The following BTNL8 variants were observed in gnomAD, a reference collection of about 807,000 sequenced individuals.
The protein encoded by BTNL8 is butyrophilin-like protein 8.
Under a neutral mutation model 36.1 loss-of-function variants are expected in BTNL8, and 22 were observed. That is an observed-to-expected ratio of 0.61 (90% CI 0.44 to 0.87). The LOEUF (loss-of-function observed/expected upper bound fraction) is 0.87. Among genes scored for constraint, BTNL8 ranks in the 40% least tolerant of loss-of-function variants. The probability of loss-of-function intolerance (pLI) is 0.00; values close to 1 mark genes in which losing one functional copy is unlikely to be tolerated. For missense variants in BTNL8, 526 were observed against 616.9 expected (o/e 0.85, Z 1.56); for synonymous variants, 203 against 235.6 (o/e 0.86, Z 1.27).
intron 3 of BTNL8, among the ~76,000 whole-genome samples, chr5:180,933,261 A>C (rs1387775428): frequency 3.9e-5 from 6 of 152,204 alleles, no homozygotes; most frequent in Admixed American, 3.9e-4. Flanking sequence ...CTAGACACAC[A>C]ATCAATAAGA....
At chr5:180,912,323 T>C (rs2113786259) in intron 3 of BTNL8, among the ~76,000 whole-genome samples, 1 of 152,242 alleles carries the variant, frequency 6.6e-6, no homozygotes, top group South Asian at 2.1e-4. Flanking sequence ...TAAAAGAGCT[T>C]CCATGATGTA....
At chr5:180,912,066 G>C (rs943418576) in intron 3 of BTNL8, among the ~76,000 whole-genome samples, 5 of 152,190 alleles carry the variant, frequency 3.3e-5, no homozygotes, top group African/African-American at 1.2e-4. Flanking sequence ...ACCCTCCCCT[G>C]AGTGAGAGAA....
chr5:180,942,991 T>A (rs1270281748), intron 3 of BTNL8, among the ~76,000 whole-genome samples: 1 of 151,592 alleles, frequency 6.6e-6, no homozygotes, highest in Non-Finnish European at 1.5e-5. Context: ...ATTAACAGAG[T>A]GAAGAGGTAA....
At chr5:180,916,175 C>A (rs1757620295) in intron 3 of BTNL8, among the ~76,000 whole-genome samples, 1 of 152,202 alleles carries the variant, frequency 6.6e-6, no homozygotes, top group African/African-American at 2.4e-5. Flanking sequence ...CTCACGAGGG[C>A]AGGATCCTCA....
intron 3 of BTNL8, among the ~76,000 whole-genome samples, chr5:180,916,091 C>T (rs1045122162): frequency 1.3e-5 from 2 of 152,150 alleles, no homozygotes; most frequent in African/African-American, 4.8e-5. Flanking sequence ...TGTGTAATTC[C>T]ATGGAGGAAG....
chr5:180,921,607 CTATTG>C (rs1417428487), intron 3 of BTNL8, among the ~76,000 whole-genome samples: 4 of 151,412 alleles, frequency 2.6e-5, no homozygotes, highest in Non-Finnish European at 5.9e-5. Flanking sequence ...TAACAATAAA[CTATTG>C]TATTCTTAAA....
intron 3 of BTNL8, among the ~76,000 whole-genome samples, chr5:180,927,334 A>G (rs913323461): frequency 3.3e-5 from 5 of 152,242 alleles, no homozygotes; most frequent in Non-Finnish European, 5.9e-5. Context: ...GGTCACCAAC[A>G]TCAAAAACCA....
intron 1 of BTNL8, among the ~76,000 whole-genome samples, chr5:180,902,967 T>C (rs1756900668): frequency 1.7e-5 from 2 of 119,910 alleles, no homozygotes; most frequent in African/African-American, 4.2e-5. Flanking sequence ...CTATTGTGAA[T>C]AGTGCCGCAA....
At chr5:180,929,818 A>G (rs1306485058) in intron 3 of BTNL8, among the ~76,000 whole-genome samples, 2 of 152,246 alleles carry the variant, frequency 1.3e-5, no homozygotes, top group East Asian at 1.9e-4. Flanking sequence ...TCAGGCAGTA[A>G]CTAATAGCCT....
At chr5:180,902,517 GTTT>G in intron 1 of BTNL8, 1 of 807,030 alleles carries the variant, frequency 1.2e-6, no homozygotes. Context: ...ACTATAAAGG[GTTT>G]TTTTTTTTGT....
chr5:180,925,910 G>A (rs1481767665), intron 3 of BTNL8, among the ~76,000 whole-genome samples: 1 of 152,160 alleles, frequency 6.6e-6, no homozygotes, highest in Non-Finnish European at 1.5e-5. Context: ...GTGGAAAGGA[G>A]TGAAAGTGTA....
chr5:180,928,553 C>G (rs936553955), intron 3 of BTNL8, among the ~76,000 whole-genome samples: 1 of 152,168 alleles, frequency 6.6e-6, no homozygotes, highest in East Asian at 1.9e-4. Flanking sequence ...CATTAATGTG[C>G]TATATTCGGG....
intron 3 of BTNL8, among the ~76,000 whole-genome samples, chr5:180,924,679 A>G (rs1002475848): frequency 6.6e-6 from 1 of 152,250 alleles, no homozygotes; most frequent in Non-Finnish European, 1.5e-5. Context: ...TTACTGAGAA[A>G]GAACACTTGC....
Position 180,911,418 on chromosome 5 carries a change from G to C in BTNL8, c.477G>C (p.Trp159Cys). 1 of 1,614,196 alleles carries C rather than the reference G, an allele frequency of 6.2e-7. No individual in the cohort carries two copies. The highest frequency in any genetic ancestry group is 8.5e-7 in the Non-Finnish European group (1 of 1,180,048). ...DIQLLCQSSG[W>C]FPRPTAKWKG... ...AGCTACTCTGTCAGTCCTCGGGCTG[G>C]TTCCCCCGGCCCACAGCGAAGTGGA... Residue 159 changes from tryptophan (W) to cysteine (C), a missense_variant, in exon 3 of 8, where the codon TGG becomes TGC. Trp to Cys is a radical substitution (Grantham distance 215, BLOSUM62 -2). Around this residue, in one of 2 missense-constraint regions of BTNL8, gnomAD observed 350 missense variants for 324.6 expected, o/e 1.08. Coordinates refer to ENST00000340184, the MANE Select transcript of BTNL8 (RefSeq NM_001040462.3).
At chr5:180,925,794 TG>T (rs1758068175) in intron 3 of BTNL8, among the ~76,000 whole-genome samples, 1 of 152,202 alleles carries the variant, frequency 6.6e-6, no homozygotes, top group Non-Finnish European at 1.5e-5. Context: ...TTATCCCTAC[TG>T]TCACAGTTAA....
At chr5:180,925,869 CAT>C (rs1758070729) in intron 3 of BTNL8, among the ~76,000 whole-genome samples, 1 of 152,076 alleles carries the variant, frequency 6.6e-6, no homozygotes, top group Non-Finnish European at 1.5e-5. Flanking sequence ...AATTACAAAA[CAT>C]GTAAATTTTG....
chr5:180,907,794 T>C (rs1202321039), intron 1 of BTNL8, among the ~76,000 whole-genome samples: 1 of 151,796 alleles, frequency 6.6e-6, no homozygotes. Context: ...GGTGTCAGTG[T>C]GCCCCTGCTG....
Position 180,908,679 on chromosome 5 carries a change from C to A in BTNL8, c.143C>A (p.Ala48Glu). ...FSCFLSPKTN[A>E]EAMEVRFFRG... ...TGTTTCCTGTCTCCTAAGACCAATG[C>A]AGAGGCCATGGAAGTGCGGTTCTTC... is the stretch of plus-strand genomic sequence containing the variant. The change falls in exon 2 of 8, where the codon GCA (alanine) becomes GAA (glutamate). Residue 48 changes from alanine to glutamate, a missense_variant. Ala to Glu is a moderately radical substitution (Grantham distance 107, BLOSUM62 -1). This residue lies in a region of BTNL8 where 350 missense variants were observed against 324.6 expected (regional missense o/e 1.08). Transcript: ENST00000340184. 6.2e-7 allele frequency: 1 copy of A among 1,614,200 alleles called. No homozygotes were observed.
At chr5:180,934,309 T>C (rs958966136) in intron 3 of BTNL8, among the ~76,000 whole-genome samples, 14 of 152,332 alleles carry the variant, frequency 9.2e-5, no homozygotes, top group African/African-American at 3.1e-4. Context: ...ATAAAAGCCA[T>C]ATATGACAAC....
Sources: allele counts gnomAD v4.1 joint callset (sites outside exome capture counted in the v4.1 genomes callset), GRCh38; gene constraint gnomAD v4.1.1; regional missense constraint gnomAD v4.1.1; transcripts MANE v1.5; gene names NCBI Gene and HGNC (gene_info 2026-07-23, HGNC 2026-07-21).